MYCBP2: variants seen among roughly 807,000 people sequenced by gnomAD.
MYCBP2 encodes MYC binding protein 2, also known as E3 ubiquitin-protein ligase MYCBP2.
A neutral mutation model predicts 525.3 loss-of-function variants in MYCBP2; 120 were observed. The ratio of observed to expected loss-of-function variants is 0.23; its 90% CI spans 0.20 to 0.27. The LOEUF is 0.27. MYCBP2 is among the 10% of genes least tolerant of loss of function. The probability of loss-of-function intolerance (pLI) is 1.00; values close to 1 mark genes in which losing one functional copy is unlikely to be tolerated. For synonymous variants in MYCBP2, 1,894 were observed against 1,955.8 expected (o/e 0.97, Z 0.83); for missense variants, 4,149 against 5,657.1 (o/e 0.73, Z 8.55).
Position 77,044,670 on chromosome 13 carries a change from T to G in MYCBP2, c.*708A>C. 2.5e-6 allele frequency: 1 copy of G among 398,628 alleles called. No homozygotes were observed. The highest frequency in any genetic ancestry group is 4.4e-6 in the Non-Finnish European group (1 of 225,916). 24.7% of individuals were successfully genotyped at this position (398,628 alleles called of 1,614,324 possible). A position where few individuals can be genotyped will look rare whatever the true frequency, so the allele number is the denominator to read the frequency against. On this transcript the variant is annotated 3_prime_UTR_variant, in exon 83 of 83. Coordinates refer to ENST00000544440, the MANE Select transcript of MYCBP2 (RefSeq NM_015057.5). ...CTCCCACAGTGGTAGACTTTATCACTGTATAAAAATGTACAGTGGTTTTAT... is the reference window on the plus strand; with the variant it reads ...CTCCCACAGTGGTAGACTTTATCACGGTATAAAAATGTACAGTGGTTTTAT...
chr13:77,201,176 CA>C (rs1433290462), intron 26 of MYCBP2, among the ~76,000 whole-genome samples: 25 of 150,558 alleles, frequency 1.7e-4, no homozygotes, highest in Non-Finnish European at 3.2e-4. Context: ...CATATAGGCT[CA>C]AAATAAAAGG....
At chr13:77,286,005 A>G (rs2076718890) in intron 3 of MYCBP2, among the ~76,000 whole-genome samples, 1 of 152,206 alleles carries the variant, frequency 6.6e-6, no homozygotes, top group Admixed American at 6.5e-5. Context: ...CTAAAACAGG[A>G]GGCAAAAAGG....
chr13:77,253,070 T>A (rs113913927), intron 14 of MYCBP2, among the ~76,000 whole-genome samples: 7 of 152,132 alleles, frequency 4.6e-5, no homozygotes, highest in African/African-American at 1.4e-4. Context: ...GACATCAAAA[T>A]TTTAAAATTA....
At chr13:77,294,104 CTATA>C (rs1197370334) in intron 2 of MYCBP2, among the ~76,000 whole-genome samples, 11 of 41,920 alleles carry the variant, frequency 2.6e-4, no homozygotes, top group African/African-American at 6.9e-4. Context: ...GATATAATGG[CTATA>C]TATATATATA....
rs572534215 is a variant in MYCBP2 at position 77,138,575 on chromosome 13, G to A, written c.7659+621C>T. ...TTCTTTCCTGGTTAATATATAAAACGAAGTGTGGGTTATTATTATACTTCA... is the reference window on the plus strand; with the variant it reads ...TTCTTTCCTGGTTAATATATAAAACAAAGTGTGGGTTATTATTATACTTCA... On this transcript the variant is annotated intron_variant, in intron 52 of 82. Coordinates refer to ENST00000544440, the MANE Select transcript of MYCBP2 (RefSeq NM_015057.5). 3.3e-5 allele frequency among the ~76,000 whole-genome samples: 5 copies of A among 152,212 alleles called. No individual in the cohort carries two copies. In the South Asian group the frequency reaches 8.3e-4, roughly 25 times the overall value.
At chr13:77,193,973 G>GT (rs1238123327) in intron 27 of MYCBP2, among the ~76,000 whole-genome samples, 180 bp downstream of exon 27, 1 of 152,036 alleles carries the variant, frequency 6.6e-6, no homozygotes, top group East Asian at 1.9e-4. Flanking sequence ...AAGTATATTA[G>GT]TTTTAATTCA....
chr13:77,136,191 C>T (rs1025298883), intron 52 of MYCBP2, among the ~76,000 whole-genome samples: 1 of 152,210 alleles, frequency 6.6e-6, no homozygotes, highest in East Asian at 1.9e-4. Flanking sequence ...CTTCCACCTG[C>T]CTAACTTCTT....
At chr13:77,205,186 A>T in intron 26 of MYCBP2, 70 bp downstream of exon 26, 1 of 1,318,342 alleles carries the variant, frequency 7.6e-7, no homozygotes, top group South Asian at 2.4e-5. Flanking sequence ...ACATTAAATA[A>T]TAAAATAATA....
chr13:77,086,364 C>T (rs1457748628), intron 62 of MYCBP2, among the ~76,000 whole-genome samples: 2 of 152,040 alleles, frequency 1.3e-5, no homozygotes, highest in African/African-American at 4.8e-5. Flanking sequence ...TTTTCTGTGG[C>T]TGCTTAAAAG....
At chr13:77,297,733 A>G (rs1246642064) in intron 1 of MYCBP2, among the ~76,000 whole-genome samples, 1 of 152,230 alleles carries the variant, frequency 6.6e-6, no homozygotes, top group African/African-American at 2.4e-5. Flanking sequence ...GACAAGAGTA[A>G]CAAGCAGATG....
chr13:77,193,759 T>C (rs2061506717), intron 27 of MYCBP2, among the ~76,000 whole-genome samples: 1 of 152,170 alleles, frequency 6.6e-6, no homozygotes, highest in African/African-American at 2.4e-5. Context: ...ATGGGTAATC[T>C]GAATTATGGT....
At chr13:77,211,089 T>C (rs2063946400) in intron 23 of MYCBP2, 78 bp downstream of exon 23, 1 of 1,178,154 alleles carries the variant, frequency 8.5e-7, no homozygotes, top group African/African-American at 1.6e-5. Context: ...AAAGTCCACC[T>C]GTAAATAAAG....
At chr13:77,240,130 A>G (rs114127060) in intron 17 of MYCBP2, among the ~76,000 whole-genome samples, 3,286 of 152,270 alleles carry the variant, frequency 0.022, 129 homozygotes, top group African/African-American at 0.074. Context: ...TTTAAATAAA[A>G]ATTGCTTAAT....
chr13:77,093,989 C>T (rs1261386852), intron 58 of MYCBP2, among the ~76,000 whole-genome samples: 1 of 152,146 alleles, frequency 6.6e-6, no homozygotes, highest in Non-Finnish European at 1.5e-5. Context: ...CAAATAGTTG[C>T]TAACCTAAGT....
rs41287042 is a variant in MYCBP2, at chr13:77,062,635, C to A, written c.12735G>T (p.Ser4245=). 6.2e-7 allele frequency: 1 copy of A among 1,614,120 alleles called. No homozygotes were observed. Among genetic ancestry groups the A allele is most frequent in the South Asian group, 1.1e-5 (1 of 91,084 alleles). The change falls in exon 74 of 83, where the codon TCG becomes TCT. Residue 4245 remains serine (S), a synonymous_variant. Transcript: ENST00000544440. ...LDQDHVDRLS[S]GRWMGKDGQQ... is the part of the protein sequence containing the mutation. ...GTCCATCCTTTCCCATCCATCTCCC[C>A]GAGGAGAGACGATCTACGTGGTCCT...
chr13:77,098,953 A>G lies in MYCBP2; in HGVS notation c.8201T>C (p.Leu2734Pro), dbSNP rs1305615217. The G allele has an allele frequency of 6.2e-7, 1 of 1,612,872 alleles. No homozygotes were observed. The highest frequency in any genetic ancestry group is 8.5e-7 in the Non-Finnish European group (1 of 1,179,692). The change falls in exon 56 of 83, where the codon CTG becomes CCG. Residue 2734 changes from leucine (L) to proline (P), a missense_variant. Leu to Pro is a moderately conservative substitution (Grantham distance 98). Transcript: ENST00000544440. ...KPASTSGKSE[L>P]SSKHSRSLKP... ...AAGCGATCTGCTGTGTTTAGAGGAC[A>G]GCTCTGATTTTCCTGATGTAGAGGC...
rs147341706 is a variant in MYCBP2 at position 77,168,402 on chromosome 13, G to A, written c.6114+26C>T. 2,408 of 1,597,086 alleles carry A rather than the reference G, an allele frequency of 1.5e-3. 36 individuals carry two copies. The African/African-American group carries it at 0.028, about 18-fold the overall frequency. ...GAACCTCATGCCAAGTTTTACATTC[G>A]AATCACACTAAGAACCGGTGCCTAC... On this transcript the variant is annotated intron_variant, in intron 40 of 82. Coordinates refer to ENST00000544440, the MANE Select transcript of MYCBP2 (RefSeq NM_015057.5).
At chr13:77,130,380 T>C (rs1233419696) in intron 52 of MYCBP2, among the ~76,000 whole-genome samples, 1 of 151,830 alleles carries the variant, frequency 6.6e-6, no homozygotes, top group African/African-American at 2.4e-5. Context: ...TTATTTACTG[T>C]TTTCTAGTTC....
chr13:77,123,910 T>C (rs545774237), intron 54 of MYCBP2, among the ~76,000 whole-genome samples: 2 of 152,268 alleles, frequency 1.3e-5, no homozygotes, highest in South Asian at 4.1e-4. Flanking sequence ...TACAGCAATA[T>C]ATAATAAGCA....
Sources: allele counts gnomAD v4.1 joint callset (sites outside exome capture counted in the v4.1 genomes callset), GRCh38; gene constraint gnomAD v4.1.1; transcripts MANE v1.5; gene names NCBI Gene and HGNC (gene_info 2026-07-23, HGNC 2026-07-21).